MLLT3: variants seen among roughly 807,000 people sequenced by gnomAD.
MLLT3 encodes the protein protein AF-9.
In MLLT3, 4 loss-of-function variants were observed where a neutral mutation model predicts 53.2. That is an observed-to-expected ratio of 0.08 (90% CI 0.04 to 0.17). MLLT3 has a LOEUF of 0.17. Ranked by LOEUF, MLLT3 falls within the 10% of genes least tolerant of loss-of-function variation. The probability of loss-of-function intolerance (pLI) is 1.00; values close to 1 mark genes in which losing one functional copy is unlikely to be tolerated. For synonymous variants in MLLT3, 283 were observed against 230.6 expected (o/e 1.23, Z -2.06); for missense variants, 569 against 684.0 (o/e 0.83, Z 1.87).
At chr9:20,542,281 T>A (rs1818657662) in intron 2 of MLLT3, among the ~76,000 whole-genome samples, 1 of 146,460 alleles carries the variant, frequency 6.8e-6, no homozygotes, top group Admixed American at 7.0e-5. Context: ...TCTTGCTCTG[T>A]CGCCCAGGCC....
intron 2 of MLLT3, among the ~76,000 whole-genome samples, chr9:20,555,194 T>A (rs191009613): frequency 6.6e-6 from 1 of 152,256 alleles, no homozygotes; most frequent in East Asian, 1.9e-4. Context: ...ACCCCACAAA[T>A]CATCTTAACC....
intron 4 of MLLT3, among the ~76,000 whole-genome samples, chr9:20,430,327 GA>G (rs879595330): frequency 6.6e-6 from 1 of 151,864 alleles, no homozygotes; most frequent in Non-Finnish European, 1.5e-5. Flanking sequence ...TGTATATGAA[GA>G]AAAAAATGAT....
chr9:20,442,273 T>C (rs558793304), intron 4 of MLLT3, among the ~76,000 whole-genome samples: 1 of 152,148 alleles, frequency 6.6e-6, no homozygotes, highest in Non-Finnish European at 1.5e-5. Context: ...GGTGCAGGCA[T>C]AGAGTAGTAT....
chr9:20,548,019 A>C (rs1187710300), intron 2 of MLLT3, among the ~76,000 whole-genome samples: 1 of 152,226 alleles, frequency 6.6e-6, no homozygotes, highest in Non-Finnish European at 1.5e-5. Context: ...CAGATGCTAA[A>C]TTTTCATTTG....
At chr9:20,438,369 G>A (rs1165755310) in intron 4 of MLLT3, among the ~76,000 whole-genome samples, 1 of 152,162 alleles carries the variant, frequency 6.6e-6, no homozygotes, top group East Asian at 1.9e-4. Flanking sequence ...GCCATGCCAT[G>A]CTCCTTGGGC....
chr9:20,532,414 A>C (rs1035446077), intron 2 of MLLT3: 1 of 162,774 alleles, frequency 6.1e-6, no homozygotes, highest in Non-Finnish European at 1.3e-5. Context: ...TATGTTCATA[A>C]TCGTAAAAAA....
chr9:20,357,096 A>T (rs1821188959), intron 8 of MLLT3, among the ~76,000 whole-genome samples: 1 of 152,204 alleles, frequency 6.6e-6, no homozygotes, highest in Non-Finnish European at 1.5e-5. Flanking sequence ...AAAGTACAAC[A>T]CCTTGTCTTC....
chr9:20,588,305 G>A (rs1395675819), intron 2 of MLLT3, among the ~76,000 whole-genome samples: 1 of 149,752 alleles, frequency 6.7e-6, no homozygotes, highest in African/African-American at 2.4e-5. Context: ...TTTTGGCTTA[G>A]GATTGACTTG....
intron 5 of MLLT3, among the ~76,000 whole-genome samples, chr9:20,404,719 C>T (rs557709372): frequency 2.6e-5 from 4 of 152,016 alleles, no homozygotes; most frequent in African/African-American, 7.2e-5. Context: ...TTGCCCAGGC[C>T]GGTCTTGAAC....
At chr9:20,461,115 T>G (rs894799756) in intron 2 of MLLT3, among the ~76,000 whole-genome samples, 3 of 152,250 alleles carry the variant, frequency 2.0e-5, no homozygotes, top group Non-Finnish European at 4.4e-5. Flanking sequence ...ATTAATCCCA[T>G]GTACCATGTA....
intron 4 of MLLT3, among the ~76,000 whole-genome samples, chr9:20,446,423 T>G (rs988553459): frequency 6.6e-6 from 1 of 152,188 alleles, no homozygotes; most frequent in South Asian, 2.1e-4. Flanking sequence ...GTGCTGCACT[T>G]TGCTGCATTA....
intron 2 of MLLT3, among the ~76,000 whole-genome samples, chr9:20,543,279 C>T (rs1350323582): frequency 6.6e-6 from 1 of 152,348 alleles, no homozygotes; most frequent in South Asian, 2.1e-4. Flanking sequence ...TAACTTTTGA[C>T]CTAACTCACC....
chr9:20,599,076 C>T (rs1036047886), intron 2 of MLLT3, among the ~76,000 whole-genome samples: 53 of 152,214 alleles, frequency 3.5e-4, no homozygotes, highest in African/African-American at 9.4e-4. Context: ...GAGGCCAAGG[C>T]GGGCAGATCA....
chr9:20,427,543 G>A lies in MLLT3; in HGVS notation c.421-13118C>T, dbSNP rs115807714. ...ATAAAGAACATAGGGACACAATGGT[G>A]GAAATTTTCCAAATATGATCAAAGT... is the stretch of plus-strand genomic sequence containing the variant. On this transcript the variant is annotated intron_variant, in intron 4 of 10. Transcript: ENST00000380338. Among the ~76,000 whole-genome samples the A allele has an allele frequency of 3.2e-3, 493 of 151,858 alleles. 3 individuals are homozygous for A. The highest frequency in any genetic ancestry group is 0.011 in the African/African-American group (476 of 41,470).
chr9:20,595,240 GC>G (rs1258067958), intron 2 of MLLT3, among the ~76,000 whole-genome samples: 4 of 152,050 alleles, frequency 2.6e-5, no homozygotes, highest in African/African-American at 7.2e-5. Flanking sequence ...GGAGGTGTGT[GC>G]CTGTGGATCC....
At chr9:20,614,973 T>C (rs987846625) in intron 2 of MLLT3, among the ~76,000 whole-genome samples, 11 of 147,038 alleles carry the variant, frequency 7.5e-5, no homozygotes, top group Non-Finnish European at 7.6e-5. Context: ...TTCATAAAGA[T>C]AGGTAGTTCT....
intron 5 of MLLT3, among the ~76,000 whole-genome samples, chr9:20,392,617 G>T (rs1421040237): frequency 6.6e-6 from 1 of 152,082 alleles, no homozygotes; most frequent in Admixed American, 6.6e-5. Flanking sequence ...TACTCGATGA[G>T]AATTTTTTTC....
At chr9:20,390,255 G>A (rs1026259479) in intron 5 of MLLT3, among the ~76,000 whole-genome samples, 2 of 152,090 alleles carry the variant, frequency 1.3e-5, no homozygotes, top group Non-Finnish European at 2.9e-5. Flanking sequence ...TTAAAAGTAG[G>A]ATACTAATTT....
At chr9:20,364,480 AAG>A (rs1224910411) in intron 6 of MLLT3, among the ~76,000 whole-genome samples, 2 of 152,220 alleles carry the variant, frequency 1.3e-5, no homozygotes, top group Non-Finnish European at 2.9e-5. Flanking sequence ...ACAATGAAGA[AAG>A]AGAGACACTT....
Sources: gnomAD v4.1 joint callset for allele counts (sites outside exome capture counted in the v4.1 genomes callset) on GRCh38, gnomAD v4.1.1 for gene constraint, MANE v1.5 for transcripts, NCBI Gene and HGNC (gene_info 2026-07-23, HGNC 2026-07-21) for gene names.